The following SNX29 variants were observed in gnomAD, a reference collection of about 807,000 sequenced individuals.
The protein encoded by SNX29 is sorting nexin 29, also known as sorting nexin-29.
Under a neutral mutation model 102.1 loss-of-function variants are expected in SNX29, and 78 were observed. The observed-to-expected ratio is 0.76, with a 90% CI of 0.64 to 0.92. SNX29 has a LOEUF of 0.92. SNX29 is among the 40% of genes least tolerant of loss of function. The probability of loss-of-function intolerance (pLI) is 0.00; values close to 1 mark genes in which losing one functional copy is unlikely to be tolerated. For missense variants in SNX29, 1,280 were observed against 1,061.7 expected (o/e 1.21, Z -2.86); for synonymous variants, 580 against 414.5 (o/e 1.40, Z -4.85).
intron 13 of SNX29, among the ~76,000 whole-genome samples, chr16:12,172,812 G>A (rs1369657542): frequency 6.6e-6 from 1 of 152,216 alleles, no homozygotes; most frequent in East Asian, 1.9e-4. Context: ...TGGATGTGAA[G>A]TGGCACACAG....
chr16:12,367,732 C>T (rs537926997), intron 16 of SNX29, among the ~76,000 whole-genome samples: 17 of 152,348 alleles, frequency 1.1e-4, no homozygotes, highest in African/African-American at 3.8e-4. Context: ...TCCTGTCCCA[C>T]GGCAATGTTA....
intron 20 of SNX29, among the ~76,000 whole-genome samples, chr16:12,540,921 C>A (rs2077305690): frequency 6.6e-6 from 1 of 152,200 alleles, no homozygotes; most frequent in African/African-American, 2.4e-5. Context: ...CCTGTCTGTT[C>A]ACCCCCTGCC....
intron 18 of SNX29, among the ~76,000 whole-genome samples, chr16:12,420,196 C>G (rs1267628219): frequency 6.6e-6 from 1 of 152,246 alleles, no homozygotes; most frequent in Admixed American, 6.5e-5. Flanking sequence ...CACATGTCAC[C>G]TGGGAGGCAA....
intron 14 of SNX29, among the ~76,000 whole-genome samples, chr16:12,225,067 CTG>C (rs557357675): frequency 2.0e-4 from 30 of 152,298 alleles, no homozygotes; most frequent in African/African-American, 7.2e-4. Context: ...TTTCTAACAT[CTG>C]TTATTCTAAC....
At chr16:12,228,701 A>G (rs186349590) in intron 14 of SNX29, among the ~76,000 whole-genome samples, 1 of 152,162 alleles carries the variant, frequency 6.6e-6, no homozygotes, top group Admixed American at 6.5e-5. Context: ...CTCTGCCTGT[A>G]TCACCTCATT....
chr16:12,547,476 A>T lies in SNX29; in HGVS notation c.2319-21030A>T, dbSNP rs563292137. On this transcript the variant is annotated intron_variant, in intron 20 of 20. Transcript: ENST00000566228. ...AGGCAGCCTGGGAAGGGGTATTCTC[A>T]AAGTAGAACTACCAGAACTTGCTGG... Among the ~76,000 whole-genome samples, 402 of 152,280 alleles carry T rather than the reference A, an allele frequency of 2.6e-3. 1 individual carries two copies. The highest frequency in any genetic ancestry group is 9.5e-3 in the African/African-American group (393 of 41,544).
intron 20 of SNX29, among the ~76,000 whole-genome samples, chr16:12,561,578 A>G (rs1010509925): frequency 6.6e-6 from 1 of 152,040 alleles, no homozygotes; most frequent in African/African-American, 2.4e-5. Context: ...TGTCCGATTA[A>G]TGTCAGCCGC....
chr16:12,314,389 G>A lies in SNX29; in HGVS notation c.1782+36353G>A, dbSNP rs947450831. ...CCTGAAAGAGAAGCAGCACAGAGTG[G>A]TGGTTGCGAGTGGACTCTGGAGCCA... On this transcript the variant is annotated intron_variant, in intron 15 of 20. Coordinates refer to ENST00000566228, the MANE Select transcript of SNX29 (RefSeq NM_032167.5). Among the ~76,000 whole-genome samples the A allele has an allele frequency of 9.2e-5, 14 of 152,364 alleles. 1 individual carries two copies. The highest frequency in any genetic ancestry group is 7.2e-4 in the Admixed American group (11 of 15,308).
chr16:12,271,822 C>T (rs1018527546), intron 14 of SNX29, among the ~76,000 whole-genome samples: 1 of 152,098 alleles, frequency 6.6e-6, no homozygotes, highest in African/African-American at 2.4e-5. Context: ...CAGGGTTTCA[C>T]CTGTTGGGCA....
chr16:12,519,728 C>T (rs2090019619), intron 19 of SNX29, among the ~76,000 whole-genome samples: 1 of 152,214 alleles, frequency 6.6e-6, no homozygotes. Context: ...ATGTCTCACA[C>T]CTGTAATTCC....
At chr16:12,340,470 C>A (rs896399916) in intron 15 of SNX29, among the ~76,000 whole-genome samples, 2 of 152,118 alleles carry the variant, frequency 1.3e-5, no homozygotes, top group African/African-American at 2.4e-5. Context: ...CAGTGCTTGG[C>A]ATGTAATAGT....
chr16:11,985,543 C>G (rs2055583050), intron 1 of SNX29, among the ~76,000 whole-genome samples: 2 of 152,224 alleles, frequency 1.3e-5, no homozygotes, highest in African/African-American at 4.8e-5. Flanking sequence ...TCTCTGTTGG[C>G]TTCACCCACA....
At chr16:12,006,374 G>T (rs1035728645) in intron 3 of SNX29, among the ~76,000 whole-genome samples, 2 of 151,098 alleles carry the variant, frequency 1.3e-5, no homozygotes, top group African/African-American at 4.8e-5. Flanking sequence ...AATTAGCCAG[G>T]CATGGTGGCA....
At chr16:12,341,535 A>G (rs1316611507) in intron 15 of SNX29, among the ~76,000 whole-genome samples, 2 of 152,216 alleles carry the variant, frequency 1.3e-5, no homozygotes, top group Non-Finnish European at 2.9e-5. Flanking sequence ...ATAAAAGCTT[A>G]TTTCCTGTTC....
Position 12,570,135 on chromosome 16 carries a change from G to A in SNX29, c.*1506G>A, listed in dbSNP as rs74912224. The A allele has an allele frequency of 5.2e-3, 5,509 of 1,056,820 alleles. 211 individuals are homozygous for A. In the African/African-American group the frequency reaches 0.081, roughly 16 times the overall value. 65.5% of individuals were successfully genotyped at this position (1,056,820 alleles called of 1,614,324 possible). A position where few individuals can be genotyped will look rare whatever the true frequency, so the allele number is the denominator to read the frequency against. ...AAGATTGTTCATGGCCTTTAAGGAA[G>A]GCTGAGATCACTCACACACAGCGCC... On this transcript the variant is annotated 3_prime_UTR_variant, in exon 21 of 21. Coordinates refer to ENST00000566228, the MANE Select transcript of SNX29 (RefSeq NM_032167.5).
chr16:12,038,429 A>C (rs1002276537), intron 4 of SNX29, among the ~76,000 whole-genome samples: 8 of 152,124 alleles, frequency 5.3e-5, no homozygotes, highest in African/African-American at 1.9e-4. Flanking sequence ...CCTTCCTGGC[A>C]CTTGTTCTTG....
chr16:12,549,402 G>C (rs934918627), intron 20 of SNX29, among the ~76,000 whole-genome samples: 1 of 152,200 alleles, frequency 6.6e-6, no homozygotes, highest in Non-Finnish European at 1.5e-5. Flanking sequence ...GGCTGAGGCA[G>C]GAGAATCTCT....
intron 3 of SNX29, among the ~76,000 whole-genome samples, chr16:12,003,408 A>C (rs779258027): frequency 1.3e-5 from 2 of 152,216 alleles, no homozygotes; most frequent in Non-Finnish European, 2.9e-5. Flanking sequence ...TAGTGCATTA[A>C]TGGGGTGGAA....
chr16:12,468,169 CTT>C (rs59089512), intron 18 of SNX29, among the ~76,000 whole-genome samples: 6,067 of 92,338 alleles, frequency 0.066, 355 homozygotes, highest in African/African-American at 0.13. Flanking sequence ...ACTCTGACTC[CTT>C]TTTTTTTTTT....
Sources: allele counts gnomAD v4.1 joint callset (sites outside exome capture counted in the v4.1 genomes callset), GRCh38; gene constraint gnomAD v4.1.1; transcripts MANE v1.5; gene names NCBI Gene and HGNC (gene_info 2026-07-23, HGNC 2026-07-21).